The following DDX60 variants were observed in gnomAD, a reference collection of about 807,000 sequenced individuals.
DDX60 encodes probable ATP-dependent RNA helicase DDX60.
A neutral mutation model predicts 212.8 loss-of-function variants in DDX60; 165 were observed. The ratio of observed to expected loss-of-function variants is 0.78; its 90% CI spans 0.68 to 0.88. DDX60 has a LOEUF of 0.88. Among genes scored for constraint, DDX60 ranks in the 40% least tolerant of loss-of-function variants. DDX60 has a pLI of 0.00. For missense variants in DDX60, 1,905 were observed against 2,003.9 expected (o/e 0.95, Z 0.94); for synonymous variants, 703 against 685.3 (o/e 1.03, Z -0.40).
At chr4:168,301,357 T>C (rs1023664685) in intron 6 of DDX60, among the ~76,000 whole-genome samples, 1 of 152,032 alleles carries the variant, frequency 6.6e-6, no homozygotes. Flanking sequence ...CTTGGCAAAG[T>C]AGTTAATTTC....
intron 6 of DDX60, among the ~76,000 whole-genome samples, chr4:168,298,324 C>T (rs1419311531): frequency 2.0e-5 from 3 of 152,008 alleles, no homozygotes; most frequent in Non-Finnish European, 4.4e-5. Context: ...TTTCAACTTG[C>T]ACCACATTCC....
At position 168,306,626 on chromosome 4, in the gene DDX60, C is replaced by A; in HGVS notation, c.359G>T (p.Arg120Leu). 1 of 1,613,968 alleles carries A rather than the reference C, an allele frequency of 6.2e-7. No homozygotes were observed. The highest frequency in any genetic ancestry group is 1.1e-5 in the South Asian group (1 of 91,058). Residue 120 changes from arginine (R) to leucine (L), a missense_variant, in exon 5 of 38, where the codon CGA (arginine) becomes CTA (leucine). Coordinates refer to ENST00000393743, the MANE Select transcript of DDX60 (RefSeq NM_017631.6). The stretch of plus-strand genomic sequence containing the variant: ...TGATAAGCATCTCGAAAATGTTGTT[C>A]GAACATCAATGGTGGTATTCTTCTG... ...HLQKNTTIDV[R>L]TTFSRCLSKE...
intron 35 of DDX60, among the ~76,000 whole-genome samples, chr4:168,222,571 A>G (rs1733100354): frequency 6.6e-6 from 1 of 152,132 alleles, no homozygotes; most frequent in Non-Finnish European, 1.5e-5. Context: ...TGCAAATTAT[A>G]AACTGCAGCA....
intron 17 of DDX60, among the ~76,000 whole-genome samples, 175 bp downstream of exon 17, chr4:168,273,755 TTGTG>T (rs3068227): frequency 0.017 from 2,566 of 151,928 alleles, 58 homozygotes; most frequent in African/African-American, 0.057. Context: ...ATGTACATGT[TTGTG>T]TGTGTGTGTA....
intron 4 of DDX60, 86 bp downstream of exon 4, chr4:168,307,920 G>A (rs537379418): frequency 2.7e-6 from 2 of 746,594 alleles, no homozygotes; most frequent in Admixed American, 4.1e-5. Flanking sequence ...AATCTACTTT[G>A]TAATAAGAAA....
chr4:168,220,091 G>A (rs1175346390), intron 37 of DDX60, among the ~76,000 whole-genome samples: 1 of 151,978 alleles, frequency 6.6e-6, no homozygotes, highest in Non-Finnish European at 1.5e-5. Context: ...AACAGTAGAT[G>A]GTCAATGAAG....
At chr4:168,247,646 G>A (rs1036914963) in intron 29 of DDX60, among the ~76,000 whole-genome samples, 5 of 152,114 alleles carry the variant, frequency 3.3e-5, no homozygotes, top group Non-Finnish European at 7.4e-5. Flanking sequence ...AGAATCAGGG[G>A]AATTGTACTA....
chr4:168,257,064 C>T (rs959979539), intron 25 of DDX60, among the ~76,000 whole-genome samples: 3 of 152,168 alleles, frequency 2.0e-5, no homozygotes, highest in Non-Finnish European at 2.9e-5. Context: ...GTGGCTCATG[C>T]CTGTAATCTC....
intron 16 of DDX60, among the ~76,000 whole-genome samples, chr4:168,274,348 A>C (rs17611536): frequency 0.031 from 4,663 of 152,294 alleles, 100 homozygotes; most frequent in Non-Finnish European, 0.048. Flanking sequence ...TTTGCTATTT[A>C]CTAAGTGCGG....
chr4:168,267,487 A>C, intron 22 of DDX60, 95 bp downstream of exon 22: 1 of 503,588 alleles, frequency 2.0e-6, no homozygotes, highest in Admixed American at 4.1e-5. Flanking sequence ...ATTCTATTCT[A>C]TAATTCTGAT....
intron 14 of DDX60, among the ~76,000 whole-genome samples, chr4:168,277,201 A>G (rs1031423334): frequency 2.6e-5 from 4 of 152,178 alleles, no homozygotes; most frequent in Non-Finnish European, 5.9e-5. Context: ...TATGGAAATT[A>G]TAAAGTAGAG....
intron 25 of DDX60, 93 bp from the exon 26 acceptor site, chr4:168,255,962 C>T: frequency 1.5e-6 from 2 of 1,345,540 alleles, no homozygotes; most frequent in Non-Finnish European, 2.0e-6. Context: ...CGACATCTGC[C>T]TGTTGGGTTT....
At chr4:168,271,804 T>C (rs1276719032) in intron 19 of DDX60, among the ~76,000 whole-genome samples, 1 of 152,076 alleles carries the variant, frequency 6.6e-6, no homozygotes, top group East Asian at 1.9e-4. Context: ...CAGTTGTCAA[T>C]GAAAGATTCC....
At chr4:168,243,663 A>T (rs550981316) in intron 30 of DDX60, among the ~76,000 whole-genome samples, 1 of 152,346 alleles carries the variant, frequency 6.6e-6, no homozygotes, top group South Asian at 2.1e-4. Context: ...TGGGAGTGTA[A>T]ATCAGTCCAA....
Position 168,284,804 on chromosome 4 carries a change from G to A in DDX60, c.1561+16C>T. On this transcript the variant is annotated intron_variant, in intron 12 of 37. Transcript: ENST00000393743. ...AAGTAGATTTAAATTTATATCACTG[G>A]AGTCACAGAGCTTACCATCAAACTG... 8.1e-7 allele frequency: 1 copy of A among 1,237,076 alleles called. No homozygotes were observed. The highest frequency in any genetic ancestry group is 1.1e-6 in the Non-Finnish European group (1 of 888,234). 76.6% of individuals were successfully genotyped at this position (1,237,076 alleles called of 1,614,324 possible). A position where few individuals can be genotyped will look rare whatever the true frequency, so the allele number is the denominator to read the frequency against.
chr4:168,225,045 C>T (rs1000352573), intron 34 of DDX60, among the ~76,000 whole-genome samples: 1 of 151,946 alleles, frequency 6.6e-6, no homozygotes, highest in Non-Finnish European at 1.5e-5. Flanking sequence ...TCATTTAAAA[C>T]TCATCAAAAC....
At chr4:168,301,011 G>A (rs1460712746) in intron 6 of DDX60, among the ~76,000 whole-genome samples, 1 of 151,420 alleles carries the variant, frequency 6.6e-6, no homozygotes, top group Non-Finnish European at 1.5e-5. Flanking sequence ...TTGGGTGATG[G>A]GTACACTAGA....
At chr4:168,250,727 T>C (rs941439935) in intron 28 of DDX60, among the ~76,000 whole-genome samples, 1 of 151,754 alleles carries the variant, frequency 6.6e-6, no homozygotes, top group African/African-American at 2.4e-5. Context: ...AGTTTCACCA[T>C]GTTGGCCAGG....
chr4:168,306,560 A>G lies in DDX60; in HGVS notation c.425T>C (p.Phe142Ser). The part of the protein sequence containing the change: ...GSFLEESYPY[F>S]LIVADEGLND... ...CAGGCCTTCGTCTGCAACTATCAGGAAATATGGGTAACTCTCTTCCAAGAA... is the reference window on the plus strand; with the variant it reads ...CAGGCCTTCGTCTGCAACTATCAGGGAATATGGGTAACTCTCTTCCAAGAA... Residue 142 changes from phenylalanine (F) to serine (S), a missense_variant, in exon 5 of 38, where the codon TTC becomes TCC. By Grantham distance (155) the Phe-to-Ser change is radical. Transcript: ENST00000393743. 1 of 1,614,174 alleles carries G rather than the reference A, an allele frequency of 6.2e-7. No individual in the cohort carries two copies. Among genetic ancestry groups the G allele is most frequent in the Admixed American group, 1.7e-5 (1 of 60,028 alleles).
Sources: allele counts gnomAD v4.1 joint callset (sites outside exome capture counted in the v4.1 genomes callset), GRCh38; gene constraint gnomAD v4.1.1; transcripts MANE v1.5; gene names NCBI Gene and HGNC (gene_info 2026-07-23, HGNC 2026-07-21).